The following CCNY variants were observed in gnomAD, a reference collection of about 807,000 sequenced individuals.
CCNY encodes the protein cyclin Y.
Under a neutral mutation model 42.8 loss-of-function variants are expected in CCNY, and 19 were observed. The observed-to-expected ratio is 0.44, with a 90% CI of 0.31 to 0.65. CCNY has a LOEUF of 0.65. Ranked by LOEUF, CCNY falls within the 30% of genes least tolerant of loss-of-function variation. CCNY has a pLI of 0.07. For missense variants in CCNY, 370 were observed against 437.3 expected, an observed-to-expected ratio of 0.85 and a Z score of 1.37; for synonymous variants, 165 against 162.7, an observed-to-expected ratio of 1.01 and a Z score of -0.11.
intron 1 of CCNY, among the ~76,000 whole-genome samples, chr10:35,373,744 G>A (rs1008923789): frequency 6.6e-6 from 1 of 151,212 alleles, no homozygotes; most frequent in Non-Finnish European, 1.5e-5. Flanking sequence ...TTACTTTGTT[G>A]TATGAATATA....
intron 7 of CCNY, among the ~76,000 whole-genome samples, chr10:35,539,744 G>A (rs552424995): frequency 5.8e-4 from 88 of 152,246 alleles, no homozygotes; most frequent in African/African-American, 2.0e-3. Context: ...CCAAGATTGC[G>A]CCACTGCACT....
Position 35,494,240 on chromosome 10 carries a change from C to CCT in CCNY, c.230-7260_230-7259insTC, listed in dbSNP as rs1554794897. On this transcript the variant is annotated intron_variant, in intron 2 of 9. Transcript: ENST00000374704. Reference sequence around the variant, plus strand: ...GCCTGGACAGCATAGTGAGACCCCCCCCCCCATTTCTACAAAAAAATAAAG... The same window carrying CCT: ...GCCTGGACAGCATAGTGAGACCCCCCCTCCCCCATTTCTACAAAAAAATAAAG... 1.4e-5 allele frequency among the ~76,000 whole-genome samples: 2 copies of CCT among 143,450 alleles called. 1 individual carries two copies. Among genetic ancestry groups the CCT allele is most frequent in the African/African-American group, 5.2e-5 (2 of 38,354 alleles). 94.1% of individuals were successfully genotyped at this position (143,450 alleles called of 152,430 possible). A position where few individuals can be genotyped will look rare whatever the true frequency, so the allele number is the denominator to read the frequency against.
chr10:35,400,615 A>G (rs1381383750), intron 1 of CCNY, among the ~76,000 whole-genome samples: 32 of 152,198 alleles, frequency 2.1e-4, no homozygotes, highest in Admixed American at 2.1e-3. Context: ...AGCTGTTTCC[A>G]GAGTTATCTA....
chr10:35,303,841 G>GAA (rs978671658), intron 3 of CCNY, among the ~76,000 whole-genome samples: 3 of 142,838 alleles, frequency 2.1e-5, no homozygotes, highest in African/African-American at 7.8e-5. Context: ...AGGAAGGAAA[G>GAA]AAAGAAAGGT....
chr10:35,262,710 T>C (rs1396385552), intron 3 of CCNY, among the ~76,000 whole-genome samples: 1 of 152,092 alleles, frequency 6.6e-6, no homozygotes, highest in Admixed American at 6.6e-5. Context: ...ATATTGGGAC[T>C]GGGGAGTCTA....
At chr10:35,398,247 G>A (rs1303720000) in intron 1 of CCNY, among the ~76,000 whole-genome samples, 2 of 152,212 alleles carry the variant, frequency 1.3e-5, no homozygotes, top group Non-Finnish European at 2.9e-5. Context: ...AGTGAGTATG[G>A]GGACAGATGT....
At chr10:35,269,226 G>A (rs1565058602) in intron 3 of CCNY, among the ~76,000 whole-genome samples, 1 of 152,174 alleles carries the variant, frequency 6.6e-6, no homozygotes, top group Non-Finnish European at 1.5e-5. Context: ...CAGCCATGCG[G>A]CACACTGAAC....
intron 3 of CCNY, among the ~76,000 whole-genome samples, chr10:35,283,734 C>T (rs556715867): frequency 6.6e-5 from 10 of 152,150 alleles, no homozygotes; most frequent in Admixed American, 4.6e-4. Context: ...AGGTAATGGA[C>T]GCCGTAACCA....
chr10:35,292,123 G>A (rs531374690), intron 3 of CCNY, among the ~76,000 whole-genome samples: 1 of 152,214 alleles, frequency 6.6e-6, no homozygotes, highest in East Asian at 1.9e-4. Context: ...TAACGGTGTT[G>A]CATCTTTTCA....
At chr10:35,300,511 T>G (rs1338736240) in intron 3 of CCNY, among the ~76,000 whole-genome samples, 2 of 152,292 alleles carry the variant, frequency 1.3e-5, no homozygotes, top group East Asian at 3.9e-4. Flanking sequence ...GTAGGGCAAG[T>G]CCAGTACCAG....
Position 35,318,150 on chromosome 10 carries a change from C to T in CCNY, c.-9+67524C>T, listed in dbSNP as rs144867878. On this transcript the variant is annotated intron_variant, in intron 3 of 11. Transcript: ENST00000374706. ...GGCTAAGGTGGGAACATCACTTGAGCCCAGGAGTTCTAGGCTGCAGTGAGC... is the reference window on the plus strand; with the variant it reads ...GGCTAAGGTGGGAACATCACTTGAGTCCAGGAGTTCTAGGCTGCAGTGAGC... Among the ~76,000 whole-genome samples the T allele has an allele frequency of 3.3e-3, 507 of 152,122 alleles. 4 individuals are homozygous for T. The highest frequency in any genetic ancestry group is 0.012 in the African/African-American group (478 of 41,502).
intron 1 of CCNY, among the ~76,000 whole-genome samples, chr10:35,421,076 C>T (rs910295206): frequency 3.9e-5 from 6 of 152,240 alleles, no homozygotes; most frequent in South Asian, 2.1e-4. Flanking sequence ...ATGCCAGTGC[C>T]GGCTCTGCTT....
At chr10:35,348,477 T>C (rs1440638787) in intron 1 of CCNY, among the ~76,000 whole-genome samples, 1 of 152,220 alleles carries the variant, frequency 6.6e-6, no homozygotes, top group African/African-American at 2.4e-5. Flanking sequence ...CAGGCACACT[T>C]GGCTGTTGGT....
intron 1 of CCNY, among the ~76,000 whole-genome samples, chr10:35,357,181 T>TGCCCCTGCCCCA: frequency 6.6e-6 from 1 of 150,876 alleles, no homozygotes; most frequent in Non-Finnish European, 1.5e-5. Flanking sequence ...CTCCTGCCCC[T>TGCCCCTGCCCCA]GCCCCTGCCC....
At position 35,523,607 on chromosome 10, in the gene CCNY, T is replaced by C. The variant is rs183352120; in HGVS notation, c.366-2357T>C. ...CTGGAGGTCTTAAGCCGTGATAATA[T>C]CCAATCTTGGCTTTAGCTTGGGAGA... On this transcript the variant is annotated intron_variant, in intron 4 of 9. Transcript: ENST00000374704. 1.7e-3 allele frequency among the ~76,000 whole-genome samples: 254 copies of C among 152,336 alleles called. 1 individual carries two copies. Among genetic ancestry groups the C allele is most frequent in the African/African-American group, 5.8e-3 (240 of 41,570 alleles).
chr10:35,555,309 T>C (rs944412695), intron 8 of CCNY, among the ~76,000 whole-genome samples: 2 of 152,206 alleles, frequency 1.3e-5, no homozygotes, highest in African/African-American at 4.8e-5. Flanking sequence ...GTTACGAAGA[T>C]GTTTTAAACA....
intron 7 of CCNY, among the ~76,000 whole-genome samples, chr10:35,534,182 C>T (rs1840830608): frequency 1.3e-5 from 2 of 152,146 alleles, no homozygotes; most frequent in Non-Finnish European, 2.9e-5. Flanking sequence ...CCACCATGCC[C>T]TGCTAATTTT....
chr10:35,462,670 G>A (rs1378273727), intron 1 of CCNY, among the ~76,000 whole-genome samples: 1 of 152,180 alleles, frequency 6.6e-6, no homozygotes, highest in African/African-American at 2.4e-5. Context: ...CAGAGTGTGC[G>A]GGTGGAGGGG....
intron 3 of CCNY, among the ~76,000 whole-genome samples, chr10:35,271,229 A>C (rs1379020578): frequency 1.3e-5 from 2 of 152,148 alleles, no homozygotes; most frequent in African/African-American, 4.8e-5. Context: ...ATGGAAAACC[A>C]CAACTTAATA....
Sources: gnomAD v4.1 joint callset for allele counts (sites outside exome capture counted in the v4.1 genomes callset) on GRCh38, gnomAD v4.1.1 for gene constraint, MANE v1.5 for transcripts, NCBI Gene and HGNC (gene_info 2026-07-23, HGNC 2026-07-21) for gene names.